PPP6R2: variants seen among roughly 807,000 people sequenced by gnomAD.
PPP6R2 encodes serine/threonine-protein phosphatase 6 regulatory subunit 2.
PPP6R2 carries 62 observed loss-of-function variants against 100.2 expected under a neutral mutation model. The ratio of observed to expected loss-of-function variants is 0.62; its 90% confidence interval spans 0.50 to 0.76. The LOEUF (loss-of-function observed/expected upper bound fraction) is 0.76, where lower values mean the gene tolerates loss of function less well. Among genes scored for constraint, PPP6R2 ranks in the 30% least tolerant of loss-of-function variants. The probability of loss-of-function intolerance (pLI) is 0.00; values close to 1 mark genes in which losing one functional copy is unlikely to be tolerated. For synonymous variants in PPP6R2, 525 were observed against 514.7 expected (o/e 1.02, Z -0.27); for missense variants, 1,142 against 1,276.3 (o/e 0.89, Z 1.60).
intron 13 of PPP6R2, 32 bp from the exon 14 acceptor site, chr22:50,436,335 C>T (rs536777358): frequency 6.4e-7 from 1 of 1,551,684 alleles, no homozygotes; most frequent in South Asian, 1.2e-5. Context: ...ACGGGGTCTC[C>T]CAGGGCTCAC....
rs1172901251 is a variant in PPP6R2, at chr22:50,425,661, C to T, written c.1125+2047C>T. Among the ~76,000 whole-genome samples the T allele has an allele frequency of 2.6e-5, 4 of 152,226 alleles. No individual in the cohort carries two copies. The East Asian group carries it at 5.8e-4, about 22-fold the overall frequency. ...CTCCTCATCCTCCCCCTCATCCCGC[C>T]GACACTTGTCTTCCTTCTTCTGATG... On this transcript the variant is annotated intron_variant, in intron 10 of 23. Coordinates refer to ENST00000612753, the MANE Select transcript of PPP6R2 (RefSeq NM_001242898.2).
In PPP6R2 at chr22:50,422,479, G is replaced by A. The variant is rs928147311; in HGVS notation, c.972+99G>A. Reference sequence around the variant, plus strand: ...CACAGCTTGTCCCATAGGTAGCAGAGTGTGGAGTGAATGTGTTCTAAGACG... The same window carrying A: ...CACAGCTTGTCCCATAGGTAGCAGAATGTGGAGTGAATGTGTTCTAAGACG... On this transcript the variant is annotated intron_variant, in intron 9 of 23. Transcript: ENST00000612753. 8.0e-6 allele frequency: 12 copies of A among 1,492,022 alleles called. No individual in the cohort carries two copies. In the African/African-American group the frequency reaches 1.7e-4, roughly 21 times the overall value. The allele number at this position is 1,492,022 out of a possible 1,614,324, so 92.4% of individuals were successfully genotyped here. A position where few individuals can be genotyped will look rare whatever the true frequency, so the allele number is the denominator to read the frequency against.
intron 4 of PPP6R2, among the ~76,000 whole-genome samples, chr22:50,413,473 G>GA (rs1233898322): frequency 6.6e-6 from 1 of 152,142 alleles, no homozygotes; most frequent in African/African-American, 2.4e-5. Context: ...CAGCCTGGGG[G>GA]ACAGAGTAAG....
At chr22:50,350,995 C>CT (rs528611885) in intron 1 of PPP6R2, among the ~76,000 whole-genome samples, 1 of 109,516 alleles carries the variant, frequency 9.1e-6, no homozygotes, top group African/African-American at 3.8e-5. Context: ...TGAAAGGAAT[C>CT]TTTTTTTTCT....
chr22:50,423,335 C>A lies in PPP6R2; in HGVS notation c.973-127C>A, dbSNP rs1383233884. Reference sequence around the variant, plus strand: ...CTGGCAGACGGCCCTCCCTGAGGAACCCCCACCACATACCTCGCTACCCCA... The same window carrying A: ...CTGGCAGACGGCCCTCCCTGAGGAAACCCCACCACATACCTCGCTACCCCA... On this transcript the variant is annotated intron_variant, in intron 9 of 23. Transcript: ENST00000612753. This position sits in a 1 kb window ranked among gnomAD's most constrained non-coding sequence, Gnocchi z 4.8. 8.7e-7 allele frequency: 1 copy of A among 1,143,904 alleles called. No individual in the cohort carries two copies. Among genetic ancestry groups the A allele is most frequent in the Non-Finnish European group, 1.2e-6 (1 of 810,246 alleles). 70.9% of individuals were successfully genotyped at this position (1,143,904 alleles called of 1,614,324 possible).
chr22:50,375,195 G>C (rs2051208527), intron 2 of PPP6R2, among the ~76,000 whole-genome samples: 1 of 152,016 alleles, frequency 6.6e-6, no homozygotes, highest in Non-Finnish European at 1.5e-5. Flanking sequence ...TTATGTTTCT[G>C]AGAATGTTAG....
chr22:50,375,411 A>C (rs2051267003), intron 2 of PPP6R2, among the ~76,000 whole-genome samples: 1 of 152,188 alleles, frequency 6.6e-6, no homozygotes, highest in Non-Finnish European at 1.5e-5. Flanking sequence ...CATGTGGACA[A>C]AGTGGGGCTT....
At chr22:50,442,252 C>G (rs765308766) in intron 22 of PPP6R2, among the ~76,000 whole-genome samples, 1 of 152,202 alleles carries the variant, frequency 6.6e-6, no homozygotes, top group Non-Finnish European at 1.5e-5. Flanking sequence ...CCTGGAGAGT[C>G]TGTGTGGTAC....
At chr22:50,428,378 C>G (rs541240853) in intron 10 of PPP6R2, among the ~76,000 whole-genome samples, 96 of 152,230 alleles carry the variant, frequency 6.3e-4, no homozygotes, top group Middle Eastern at 3.4e-3. Flanking sequence ...TTTATTAGCT[C>G]TAGCAATTTA....
At chr22:50,377,708 A>G (rs550129938) in intron 2 of PPP6R2, among the ~76,000 whole-genome samples, 4 of 152,248 alleles carry the variant, frequency 2.6e-5, no homozygotes, top group Admixed American at 2.6e-4. Context: ...AGAATTGGTG[A>G]AAGAAGTCTA....
chr22:50,439,154 G>A (rs555952296), intron 19 of PPP6R2, among the ~76,000 whole-genome samples: 4 of 152,316 alleles, frequency 2.6e-5, no homozygotes, highest in Non-Finnish European at 2.9e-5. Context: ...CTCACAGGCC[G>A]CATGGCTGAT....
At chr22:50,384,368 A>C (rs1332176744) in intron 2 of PPP6R2, among the ~76,000 whole-genome samples, 1 of 152,134 alleles carries the variant, frequency 6.6e-6, no homozygotes, top group Non-Finnish European at 1.5e-5. Context: ...ATCCTGGCTA[A>C]CACAGTGAAA....
intron 10 of PPP6R2, among the ~76,000 whole-genome samples, chr22:50,430,831 GC>G (rs1194870300): frequency 1.4e-5 from 2 of 143,416 alleles, no homozygotes; most frequent in Non-Finnish European, 3.0e-5. Context: ...CCGAGATCGT[GC>G]CACTGCACTC....
intron 10 of PPP6R2, among the ~76,000 whole-genome samples, chr22:50,429,796 A>G (rs2062814172): frequency 6.6e-6 from 1 of 152,220 alleles, no homozygotes; most frequent in Non-Finnish European, 1.5e-5. Flanking sequence ...GTTGAGAGGT[A>G]GGTCTGACTC....
In PPP6R2 at chr22:50,423,643, T is replaced by C; in HGVS notation, c.1125+29T>C. The C allele has an allele frequency of 1.9e-6, 3 of 1,612,800 alleles. No homozygotes were observed. The highest frequency in any genetic ancestry group is 2.5e-6 in the Non-Finnish European group (3 of 1,179,336). ...AGTGGGCCCCTCAGCCAGCCCTGCA[T>C]GTCTGTGAGTGTGCCGGGCATGGCC... On this transcript the variant is annotated intron_variant, in intron 10 of 23. Coordinates refer to ENST00000612753, the MANE Select transcript of PPP6R2 (RefSeq NM_001242898.2). The surrounding 1 kb of genome is among the most constrained non-coding windows in gnomAD (Gnocchi z 4.8).
chr22:50,372,798 T>A (rs1569321010), intron 2 of PPP6R2, among the ~76,000 whole-genome samples: 3 of 151,300 alleles, frequency 2.0e-5, no homozygotes, highest in Non-Finnish European at 3.0e-5. Flanking sequence ...AAGCGATTCT[T>A]CTTCCTCAGC....
rs1270600428 is a variant in PPP6R2, at chr22:50,434,867, C to T, written c.1401-99C>T. 3.1e-5 allele frequency: 33 copies of T among 1,061,070 alleles called. No homozygotes were observed. In the South Asian group the frequency reaches 3.2e-4, roughly 10 times the overall value. 65.7% of individuals were successfully genotyped at this position (1,061,070 alleles called of 1,614,324 possible). A position where few individuals can be genotyped will look rare whatever the true frequency, so the allele number is the denominator to read the frequency against. ...GGGCAGGGGCCGGGCACTTGCTCTCCGAAGTGAACCTGGAGGCCTCTGCCA... is the reference window on the plus strand; with the variant it reads ...GGGCAGGGGCCGGGCACTTGCTCTCTGAAGTGAACCTGGAGGCCTCTGCCA... On this transcript the variant is annotated intron_variant, in intron 12 of 23. Transcript: ENST00000612753.
the PPP6R2 span, among the ~76,000 whole-genome samples, chr22:50,337,109 AGTGTGTGT>A: frequency 1.4e-5 from 2 of 147,496 alleles, no homozygotes; most frequent in Non-Finnish European, 3.0e-5. Flanking sequence ...TGATGAAGAG[AGTGTGTGT>A]GTGTGTGTGT....
chr22:50,356,640 T>C (rs1168638648), intron 1 of PPP6R2, among the ~76,000 whole-genome samples: 1 of 152,096 alleles, frequency 6.6e-6, no homozygotes, highest in Non-Finnish European at 1.5e-5. Context: ...TTTAAGAAAC[T>C]GCCAGTTTTC....
Sources: allele counts gnomAD v4.1 joint callset (sites outside exome capture counted in the v4.1 genomes callset), GRCh38; gene constraint gnomAD v4.1.1; non-coding constraint Gnocchi (gnomAD v3.1); transcripts MANE v1.5; gene names NCBI Gene and HGNC (gene_info 2026-07-23, HGNC 2026-07-21).